NLGN1: variants seen among roughly 807,000 people sequenced by gnomAD.
The protein encoded by NLGN1 is neuroligin 1, also known as neuroligin-1.
In NLGN1, 12 loss-of-function variants were observed where a neutral mutation model predicts 65.5. The observed-to-expected ratio is 0.18, with a 90% CI of 0.12 to 0.30. The LOEUF is 0.30. NLGN1 is among the 10% of genes least tolerant of loss of function. The pLI, the probability that NLGN1 is intolerant of heterozygous loss-of-function variation, is 1.00. For missense variants in NLGN1, 750 were observed against 1,007.1 expected (o/e 0.74, Z 3.46); for synonymous variants, 350 against 359.5 (o/e 0.97, Z 0.30).
intron 4 of NLGN1, among the ~76,000 whole-genome samples, chr3:174,133,491 G>A (rs768525272): frequency 6.6e-6 from 1 of 152,140 alleles, no homozygotes; most frequent in Non-Finnish European, 1.5e-5. Flanking sequence ...TCAATCTTTG[G>A]AGGTATTTTG....
At chr3:173,541,370 A>G (rs912034935) in intron 2 of NLGN1, among the ~76,000 whole-genome samples, 1 of 152,178 alleles carries the variant, frequency 6.6e-6, no homozygotes, top group African/African-American at 2.4e-5. Context: ...GAACTAATCC[A>G]TGTAAACATA....
chr3:173,626,815 A>T (rs988664324), intron 3 of NLGN1, among the ~76,000 whole-genome samples: 1 of 152,056 alleles, frequency 6.6e-6, no homozygotes, highest in African/African-American at 2.4e-5. Context: ...TTTAAAATAG[A>T]TTATTATAAC....
chr3:174,090,167 A>G (rs1040041769), intron 4 of NLGN1, among the ~76,000 whole-genome samples: 11 of 152,114 alleles, frequency 7.2e-5, no homozygotes, highest in Middle Eastern at 3.2e-3. Flanking sequence ...TAAATAGAAA[A>G]AAGAAAGAAA....
chr3:173,559,928 T>G (rs928658357), intron 2 of NLGN1, among the ~76,000 whole-genome samples: 1 of 150,920 alleles, frequency 6.6e-6, no homozygotes, highest in African/African-American at 2.4e-5. Flanking sequence ...ATAATGTTAC[T>G]TTGTCTAGAT....
At chr3:174,076,677 C>CAG (rs1740980123) in intron 4 of NLGN1, among the ~76,000 whole-genome samples, 2 of 92,150 alleles carry the variant, frequency 2.2e-5, no homozygotes, top group East Asian at 6.5e-4. Context: ...CCTCTGGGAC[C>CAG]ATAGAGAGAG....
downstream of NLGN1, among the ~76,000 whole-genome samples, chr3:174,290,290 T>A (rs540348962): frequency 8.0e-5 from 12 of 150,856 alleles, no homozygotes; most frequent in South Asian, 2.5e-3. Context: ...GACAGACCAG[T>A]GTAGGATAAC....
intron 4 of NLGN1, among the ~76,000 whole-genome samples, chr3:174,252,156 T>A (rs1744891215): frequency 6.6e-6 from 1 of 152,072 alleles, no homozygotes; most frequent in Non-Finnish European, 1.5e-5. Flanking sequence ...TAAAGGTATA[T>A]AAAACAGGCC....
intron 4 of NLGN1, among the ~76,000 whole-genome samples, chr3:174,273,349 T>G (rs1399074641): frequency 6.6e-6 from 1 of 151,306 alleles, no homozygotes; most frequent in Non-Finnish European, 1.5e-5. Context: ...TTCTATCTAA[T>G]GTACAGTAAT....
At chr3:173,612,954 C>T (rs1199968588) in intron 3 of NLGN1, among the ~76,000 whole-genome samples, 2 of 152,010 alleles carry the variant, frequency 1.3e-5, no homozygotes, top group Non-Finnish European at 2.9e-5. Context: ...TTCCAATGGT[C>T]AATATTTTAG....
At chr3:173,470,419 C>T (rs1014282735) in intron 2 of NLGN1, among the ~76,000 whole-genome samples, 1 of 152,080 alleles carries the variant, frequency 6.6e-6, no homozygotes, top group Admixed American at 6.6e-5. Flanking sequence ...CATGGCCCAG[C>T]TTAAATACAT....
At chr3:174,192,454 A>G (rs1049990375) in intron 4 of NLGN1, among the ~76,000 whole-genome samples, 3 of 152,214 alleles carry the variant, frequency 2.0e-5, no homozygotes, top group African/African-American at 7.2e-5. Flanking sequence ...GATTCTATGC[A>G]GATGTTATTA....
chr3:173,962,212 G>C (rs1713756210), intron 4 of NLGN1, among the ~76,000 whole-genome samples: 2 of 152,076 alleles, frequency 1.3e-5, no homozygotes, highest in South Asian at 4.1e-4. Flanking sequence ...TCCACAGTCT[G>C]GCAATTTGTG....
At chr3:174,272,501 A>G (rs897129981) in intron 4 of NLGN1, among the ~76,000 whole-genome samples, 3 of 151,728 alleles carry the variant, frequency 2.0e-5, no homozygotes, top group Non-Finnish European at 4.4e-5. Context: ...GTATGCAAGT[A>G]TATATCTCTC....
At chr3:173,637,940 C>T (rs1054835013) in intron 3 of NLGN1, among the ~76,000 whole-genome samples, 4 of 152,094 alleles carry the variant, frequency 2.6e-5, no homozygotes, top group South Asian at 2.1e-4. Context: ...CCTTATCTTT[C>T]GACATTTGGA....
At chr3:173,910,868 A>G (rs982440547) in intron 4 of NLGN1, 1 of 152,240 alleles carries the variant, frequency 6.6e-6, no homozygotes, top group Non-Finnish European at 1.5e-5. Flanking sequence ...TGGGTATGAT[A>G]ACTATATCAG....
At chr3:173,582,218 G>A (rs373417974) in intron 2 of NLGN1, among the ~76,000 whole-genome samples, 40 of 151,784 alleles carry the variant, frequency 2.6e-4, no homozygotes, top group African/African-American at 8.2e-4. Context: ...TCTTGTTACC[G>A]TTTCTACTAT....
intron 2 of NLGN1, among the ~76,000 whole-genome samples, chr3:173,574,080 A>G (rs1191472992): frequency 1.3e-5 from 2 of 150,596 alleles, no homozygotes; most frequent in Admixed American, 6.6e-5. Context: ...AAAAAAAAAA[A>G]AAAGAAAAAG....
chr3:173,927,115 G>A (rs997525389), intron 4 of NLGN1, among the ~76,000 whole-genome samples: 1 of 152,108 alleles, frequency 6.6e-6, no homozygotes, highest in African/African-American at 2.4e-5. Flanking sequence ...CCAGGCTGGA[G>A]TGCAGTGGCA....
At chr3:174,277,313 C>T (rs1341144442) in intron 5 of NLGN1, among the ~76,000 whole-genome samples, 1 of 151,856 alleles carries the variant, frequency 6.6e-6, no homozygotes, top group Non-Finnish European at 1.5e-5. Flanking sequence ...TGAGTCAACC[C>T]CATCTTGCAT....
Sources: gnomAD v4.1 joint callset for allele counts (sites outside exome capture counted in the v4.1 genomes callset) on GRCh38, gnomAD v4.1.1 for gene constraint, MANE v1.5 for transcripts, NCBI Gene and HGNC (gene_info 2026-07-23, HGNC 2026-07-21) for gene names.